IGFL2: variants seen among roughly 807,000 people sequenced by gnomAD.
IGFL2 encodes the protein insulin growth factor-like family member 2.
A neutral mutation model predicts 13.9 loss-of-function variants in IGFL2; 7 were observed. The ratio of observed to expected loss-of-function variants is 0.51; its 90% CI spans 0.29 to 0.95. IGFL2 has a LOEUF of 0.95. Ranked by LOEUF, IGFL2 falls within the 40% of genes least tolerant of loss-of-function variation. The probability of loss-of-function intolerance (pLI) is 0.08; values close to 1 mark genes in which losing one functional copy is unlikely to be tolerated. For synonymous variants in IGFL2, 55 were observed against 55.8 expected (o/e 0.99, Z 0.07); for missense variants, 138 against 147.8 (o/e 0.93, Z 0.34).
chr19:46,087,458 T>C, the IGFL2 span, among the ~76,000 whole-genome samples: 3 of 151,944 alleles, frequency 2.0e-5, no homozygotes, highest in Admixed American at 1.3e-4. Flanking sequence ...GGTGGAGCTG[T>C]GCCAGGCAGA....
chr19:46,181,017 A>T, the IGFL2 span, among the ~76,000 whole-genome samples: 1 of 152,152 alleles, frequency 6.6e-6, no homozygotes, highest in Non-Finnish European at 1.5e-5. Context: ...GCCCTCTCAG[A>T]CACACCTAGC....
At chr19:46,141,998 C>T (rs1436992555), upstream of IGFL2, among the ~76,000 whole-genome samples, 1 of 152,204 alleles carries the variant, frequency 6.6e-6, no homozygotes, top group East Asian at 1.9e-4. Flanking sequence ...CAGATTCTGG[C>T]TTCAGTACCT....
At chr19:46,153,526 G>A (rs1417642425) in intron 1 of IGFL2, among the ~76,000 whole-genome samples, 7 of 151,886 alleles carry the variant, frequency 4.6e-5, no homozygotes, top group African/African-American at 1.7e-4. Context: ...TTTAAAATCA[G>A]ATTCTTTATT....
the IGFL2 span, among the ~76,000 whole-genome samples, chr19:46,099,903 A>T: frequency 8.2e-4 from 125 of 151,926 alleles, 1 homozygote; most frequent in African/African-American, 2.8e-3. Context: ...TCAAGCTCTG[A>T]TATTTATCCT....
chr19:46,133,725 A>G, the IGFL2 span, among the ~76,000 whole-genome samples: 1 of 152,220 alleles, frequency 6.6e-6, no homozygotes, highest in African/African-American at 2.4e-5. Context: ...AGAGGTTACT[A>G]TCTATTCTCA....
At chr19:46,212,715 C>CTCTT in the IGFL2 span, 2 of 149,032 alleles carry the variant, frequency 1.3e-5, no homozygotes, top group Admixed American at 1.3e-4. Context: ...CTCCTACCTT[C>CTCTT]TCTCTCTCTC....
At chr19:46,202,031 C>T in the IGFL2 span, among the ~76,000 whole-genome samples, 1 of 151,994 alleles carries the variant, frequency 6.6e-6, no homozygotes, top group Non-Finnish European at 1.5e-5. Flanking sequence ...TGGGACCTCG[C>T]TTGGCCTGGT....
the IGFL2 span, among the ~76,000 whole-genome samples, chr19:46,105,832 A>G: frequency 6.6e-6 from 1 of 152,326 alleles, no homozygotes; most frequent in East Asian, 1.9e-4. Flanking sequence ...CAGAAAGGCT[A>G]CAGGGTGCAG....
the IGFL2 span, among the ~76,000 whole-genome samples, chr19:46,193,116 C>T: frequency 5.3e-5 from 8 of 152,040 alleles, no homozygotes; most frequent in Non-Finnish European, 8.8e-5. Flanking sequence ...CACTTGAACC[C>T]GAGAGGTGGA....
chr19:46,119,658 A>G, the IGFL2 span, among the ~76,000 whole-genome samples: 2 of 150,858 alleles, frequency 1.3e-5, no homozygotes, highest in African/African-American at 2.5e-5. Context: ...CTGACCCTGA[A>G]TACTGCCAAA....
chr19:46,213,826 TC>T, the IGFL2 span: 3 of 153,884 alleles, frequency 1.9e-5, no homozygotes, highest in Non-Finnish European at 2.9e-5. Context: ...TTTGTGACTC[TC>T]CCTGCCTCCA....
chr19:46,164,811 A>G (rs1974321758), downstream of IGFL2, among the ~76,000 whole-genome samples: 1 of 152,204 alleles, frequency 6.6e-6, no homozygotes, highest in Non-Finnish European at 1.5e-5. Context: ...TTCAGCTTAC[A>G]AACTGCAGGC....
the IGFL2 span, among the ~76,000 whole-genome samples, chr19:46,167,337 C>T: frequency 2.0e-5 from 3 of 152,230 alleles, no homozygotes; most frequent in South Asian, 2.1e-4. Context: ...GCAGGAGAGC[C>T]GCAGCCCCTT....
At chr19:46,152,653 C>G (rs1233499234) in intron 1 of IGFL2, among the ~76,000 whole-genome samples, 1 of 152,174 alleles carries the variant, frequency 6.6e-6, no homozygotes, top group East Asian at 1.9e-4. Context: ...CTTTCTCAGT[C>G]TAAATTCATT....
At chr19:46,123,285 T>G in the IGFL2 span, among the ~76,000 whole-genome samples, 1 of 150,954 alleles carries the variant, frequency 6.6e-6, no homozygotes, top group Admixed American at 6.6e-5. Context: ...CTTACTGATT[T>G]CAGATAGAAT....
chr19:46,168,043 A>G, the IGFL2 span, among the ~76,000 whole-genome samples: 161 of 152,234 alleles, frequency 1.1e-3, no homozygotes, highest in Non-Finnish European at 5.9e-5. Context: ...AGGAAAGGCT[A>G]AAACAAAGTC....
chr19:46,196,205 AC>A, the IGFL2 span: 1 of 212,376 alleles, frequency 4.7e-6, no homozygotes, highest in African/African-American at 2.4e-5. Context: ...CCTGCTGATC[AC>A]CCACTCACTC....
chr19:46,205,125 T>C, the IGFL2 span, among the ~76,000 whole-genome samples: 3 of 152,074 alleles, frequency 2.0e-5, no homozygotes, highest in African/African-American at 4.8e-5. Context: ...CCCGGTAATA[T>C]AGGAGTTAAG....
At chr19:46,191,197 C>T in the IGFL2 span, among the ~76,000 whole-genome samples, 1 of 151,912 alleles carries the variant, frequency 6.6e-6, no homozygotes, top group South Asian at 2.1e-4. Flanking sequence ...AGTATAATTT[C>T]AAGAGCCCAC....
Sources: gnomAD v4.1 joint callset for allele counts (sites outside exome capture counted in the v4.1 genomes callset) on GRCh38, gnomAD v4.1.1 for gene constraint, MANE v1.5 for transcripts, NCBI Gene and HGNC (gene_info 2026-07-23, HGNC 2026-07-21) for gene names.